WWOX: variants seen among roughly 807,000 people sequenced by gnomAD.
The protein encoded by WWOX is WW domain containing oxidoreductase.
In WWOX, 69 loss-of-function variants were observed where a neutral mutation model predicts 46.2. The observed-to-expected ratio is 1.49, with a 90% CI of 1.23 to 1.82. The LOEUF is 1.82. Among genes scored for constraint, WWOX ranks in the 40% most tolerant of loss-of-function variants. The pLI is 0.00. For synonymous variants in WWOX, 359 were observed against 202.6 expected, an observed-to-expected ratio of 1.77 and a Z score of -6.56; for missense variants, 919 against 542.6, an observed-to-expected ratio of 1.69 and a Z score of -6.89.
intron 8 of WWOX, among the ~76,000 whole-genome samples, chr16:78,450,167 C>T (rs1289165326): frequency 6.6e-6 from 1 of 152,128 alleles, no homozygotes; most frequent in Non-Finnish European, 1.5e-5. Context: ...TAGCAAAATT[C>T]AAATTTCCCC....
intron 8 of WWOX, among the ~76,000 whole-genome samples, chr16:78,486,821 C>T (rs1300887831): frequency 1.3e-5 from 2 of 152,216 alleles, no homozygotes; most frequent in Non-Finnish European, 2.9e-5. Context: ...ATCCACTCGC[C>T]TCGGCCTCCC....
intron 8 of WWOX, among the ~76,000 whole-genome samples, chr16:78,875,911 T>C (rs1360626958): frequency 1.3e-5 from 2 of 152,224 alleles, no homozygotes; most frequent in East Asian, 3.9e-4. Context: ...TTTCTCCTGA[T>C]ACCATTTAGC....
intron 8 of WWOX, among the ~76,000 whole-genome samples, chr16:78,463,041 A>G (rs1325727024): frequency 6.6e-6 from 1 of 152,062 alleles, no homozygotes; most frequent in Admixed American, 6.5e-5. Context: ...AGGCTCATTG[A>G]TCTTTTGTTT....
intron 8 of WWOX, among the ~76,000 whole-genome samples, chr16:78,659,660 TTG>T (rs2047168101): frequency 6.6e-6 from 1 of 152,030 alleles, no homozygotes; most frequent in Non-Finnish European, 1.5e-5. Context: ...TTCAGGAGAG[TTG>T]TGTTTACTTT....
intron 8 of WWOX, among the ~76,000 whole-genome samples, chr16:78,600,120 A>T (rs2151615504): frequency 6.6e-6 from 1 of 152,158 alleles, no homozygotes; most frequent in Admixed American, 6.5e-5. Flanking sequence ...TCCCCCTTAT[A>T]AAACCATCAG....
chr16:79,160,843 T>C (rs1385165531), intron 8 of WWOX, among the ~76,000 whole-genome samples: 8 of 151,982 alleles, frequency 5.3e-5, no homozygotes, highest in African/African-American at 1.9e-4. Flanking sequence ...TAGATGCATG[T>C]GTGTACGTAT....
At chr16:78,658,419 T>G (rs1225315028) in intron 8 of WWOX, among the ~76,000 whole-genome samples, 1 of 152,194 alleles carries the variant, frequency 6.6e-6, no homozygotes, top group Non-Finnish European at 1.5e-5. Flanking sequence ...TGTAGTGTAG[T>G]TTCCCAGGGC....
At chr16:78,797,862 C>T (rs975242486) in intron 8 of WWOX, among the ~76,000 whole-genome samples, 1 of 152,120 alleles carries the variant, frequency 6.6e-6, no homozygotes, top group Admixed American at 6.5e-5. Flanking sequence ...GTGGCGCGTG[C>T]CTGTAGTCCT....
At chr16:78,138,342 T>A (rs1306882212) in intron 4 of WWOX, among the ~76,000 whole-genome samples, 1 of 151,006 alleles carries the variant, frequency 6.6e-6, no homozygotes, top group Middle Eastern at 3.2e-3. Context: ...AACATGTAAC[T>A]GATTTGTTTT....
At chr16:78,349,777 A>C (rs1472833540) in intron 5 of WWOX, among the ~76,000 whole-genome samples, 3 of 121,098 alleles carry the variant, frequency 2.5e-5, no homozygotes, top group African/African-American at 8.4e-5. Context: ...TGCGGTGACA[A>C]ATTCAGTGTA....
chr16:78,942,205 A>C (rs554863682), intron 8 of WWOX, among the ~76,000 whole-genome samples: 1 of 152,178 alleles, frequency 6.6e-6, no homozygotes, highest in East Asian at 1.9e-4. Context: ...ACATAGTTAA[A>C]GAGTTTGGTA....
intron 8 of WWOX, among the ~76,000 whole-genome samples, chr16:79,052,067 T>C (rs1037010517): frequency 6.6e-6 from 1 of 152,068 alleles, no homozygotes; most frequent in African/African-American, 2.4e-5. Context: ...ACTTTAAGTT[T>C]TAGGGTACAT....
chr16:78,351,238 C>T (rs114564949), intron 5 of WWOX, among the ~76,000 whole-genome samples: 42 of 152,250 alleles, frequency 2.8e-4, no homozygotes, highest in African/African-American at 9.4e-4. Context: ...CACTGCTCCC[C>T]GATTACAATA....
At chr16:78,299,822 C>T (rs1422726966) in intron 5 of WWOX, among the ~76,000 whole-genome samples, 1 of 152,112 alleles carries the variant, frequency 6.6e-6, no homozygotes, top group African/African-American at 2.4e-5. Context: ...AGTTACCGCA[C>T]TGGCCTGGAA....
intron 8 of WWOX, among the ~76,000 whole-genome samples, chr16:78,501,637 C>T (rs2245208): frequency 0.89 from 134,509 of 151,912 alleles, 60,491 homozygotes; most frequent in Non-Finnish European, 0.97. Flanking sequence ...CCTGGCTTCA[C>T]GCCATTCTCC....
At chr16:78,646,271 C>A (rs762472651) in intron 8 of WWOX, among the ~76,000 whole-genome samples, 2 of 152,040 alleles carry the variant, frequency 1.3e-5, no homozygotes, top group African/African-American at 4.8e-5. Flanking sequence ...CCTCTTGCTT[C>A]CCAAAGTGCT....
rs977751781 is a variant in WWOX, at chr16:79,014,501, G to T, written c.1057-197107G>T. On this transcript the variant is annotated intron_variant, in intron 8 of 8. Transcript: ENST00000566780. Reference sequence around the variant, plus strand: ...GCTACATTCAGTTCAGGGAAATCCAGCCGTTGCTCCAGATCCTTCTAAGAT... The same window carrying T: ...GCTACATTCAGTTCAGGGAAATCCATCCGTTGCTCCAGATCCTTCTAAGAT... Among the ~76,000 whole-genome samples, 6 of 152,184 alleles carry T rather than the reference G, an allele frequency of 3.9e-5. No homozygotes were observed. The East Asian group carries it at 5.8e-4, about 15-fold the overall frequency.
intron 8 of WWOX, among the ~76,000 whole-genome samples, chr16:78,880,196 A>C (rs2044315052): frequency 1.3e-5 from 2 of 152,182 alleles, no homozygotes; most frequent in Admixed American, 1.3e-4. Context: ...GTACCAAACG[A>C]AGATATCTTT....
chr16:79,128,098 A>C (rs1205924854), intron 8 of WWOX, among the ~76,000 whole-genome samples: 44 of 152,180 alleles, frequency 2.9e-4, no homozygotes, highest in Admixed American at 2.9e-3. Flanking sequence ...CCCACCACCC[A>C]CTGATGTTAT....
Sources: allele counts gnomAD v4.1 joint callset (sites outside exome capture counted in the v4.1 genomes callset), GRCh38; gene constraint gnomAD v4.1.1; transcripts MANE v1.5; gene names NCBI Gene and HGNC (gene_info 2026-07-23, HGNC 2026-07-21).